The following NR3C2 variants were observed in gnomAD, a reference collection of about 807,000 sequenced individuals.
NR3C2 encodes the protein nuclear receptor subfamily 3 group C member 2.
A neutral mutation model predicts 86.4 loss-of-function variants in NR3C2; 15 were observed. That is an observed-to-expected ratio of 0.17 (90% CI 0.12 to 0.27). The LOEUF (loss-of-function observed/expected upper bound fraction) is 0.27. NR3C2 is among the 10% of genes least tolerant of loss of function. The pLI is 1.00. For synonymous variants in NR3C2, 458 were observed against 450.5 expected (o/e 1.02, Z -0.21); for missense variants, 960 against 1,195.6 (o/e 0.80, Z 2.91).
At chr4:148,274,710 T>C (rs1410216347) in intron 2 of NR3C2, among the ~76,000 whole-genome samples, 3 of 149,968 alleles carry the variant, frequency 2.0e-5, no homozygotes, top group Non-Finnish European at 4.4e-5. Flanking sequence ...TTTTTCTTTT[T>C]TTTTTTTTTT....
Position 148,114,286 on chromosome 4 carries a change from A to G in NR3C2, c.2642-25T>C, listed in dbSNP as rs563303926. On this transcript the variant is annotated intron_variant, in intron 7 of 8. Coordinates refer to ENST00000358102, the MANE Select transcript of NR3C2 (RefSeq NM_000901.5). Reference sequence around the variant, plus strand: ...ACTGTGTTAAGGAAAACAGACATGTAAATTTCCAGGATGGAAAACAACTTT... The same window carrying G: ...ACTGTGTTAAGGAAAACAGACATGTGAATTTCCAGGATGGAAAACAACTTT... 7.4e-6 allele frequency: 12 copies of G among 1,613,066 alleles called. No homozygotes were observed. The East Asian group carries it at 1.8e-4, about 24-fold the overall frequency.
chr4:148,303,136 A>AT (rs539369374), intron 2 of NR3C2, among the ~76,000 whole-genome samples: 8 of 151,886 alleles, frequency 5.3e-5, no homozygotes, highest in African/African-American at 9.6e-5. Flanking sequence ...TGCTATCATA[A>AT]TTTTTTTTTA....
chr4:148,277,929 A>G (rs1283421407), intron 2 of NR3C2, among the ~76,000 whole-genome samples: 1 of 152,252 alleles, frequency 6.6e-6, no homozygotes, highest in Non-Finnish European at 1.5e-5. Context: ...CCAAAATGTG[A>G]GTCACGAAAT....
At chr4:148,425,188 T>C (rs1749467494) in intron 2 of NR3C2, among the ~76,000 whole-genome samples, 1 of 152,202 alleles carries the variant, frequency 6.6e-6, no homozygotes, top group South Asian at 2.1e-4. Context: ...TGCTAGTCAA[T>C]CCATCCATTC....
Position 148,314,910 on chromosome 4 carries a change from T to C in NR3C2, c.1758-54793A>G, listed in dbSNP as rs369427335. 1.1e-3 allele frequency among the ~76,000 whole-genome samples: 170 copies of C among 152,324 alleles called. 5 individuals carry two copies. In the South Asian group the frequency reaches 0.034, roughly 30 times the overall value. ...TAAATATGTTTATAGTTTTATATCATGAACATGATGCAAAATCCTACCACC... is the reference window on the plus strand; with the variant it reads ...TAAATATGTTTATAGTTTTATATCACGAACATGATGCAAAATCCTACCACC... On this transcript the variant is annotated intron_variant, in intron 2 of 8. Transcript: ENST00000358102.
At chr4:148,267,299 T>TG (rs1436191691) in intron 2 of NR3C2, among the ~76,000 whole-genome samples, 3 of 151,934 alleles carry the variant, frequency 2.0e-5, no homozygotes, top group African/African-American at 7.3e-5. Flanking sequence ...TTTTTTTTTT[T>TG]TAAAGAGACA....
At chr4:148,083,271 C>T (rs1338264497) in intron 8 of NR3C2, among the ~76,000 whole-genome samples, 1 of 152,182 alleles carries the variant, frequency 6.6e-6, no homozygotes, top group Non-Finnish European at 1.5e-5. Flanking sequence ...ATCCCTGTGC[C>T]TCCTGACAAA....
At chr4:148,272,736 AAGTT>A (rs1740752532) in intron 2 of NR3C2, among the ~76,000 whole-genome samples, 1 of 152,186 alleles carries the variant, frequency 6.6e-6, no homozygotes, top group African/African-American at 2.4e-5. Context: ...TTTAAAATAA[AAGTT>A]AGGCTTTTGT....
chr4:148,309,698 T>C (rs768720678), intron 2 of NR3C2, among the ~76,000 whole-genome samples: 1 of 152,234 alleles, frequency 6.6e-6, no homozygotes, highest in Non-Finnish European at 1.5e-5. Flanking sequence ...AGTGTTTTTA[T>C]GAACAGAATT....
In NR3C2 at chr4:148,228,778, T is replaced by C. The variant is rs146738399; in HGVS notation, c.1897+31200A>G. ...TTGAGTATCTATTGTTTAAAGTGGC[T>C]GGATATGCAAAGCAGGAGACTACTG... is the stretch of plus-strand genomic sequence containing the variant. On this transcript the variant is annotated intron_variant, in intron 3 of 8. Transcript: ENST00000358102. 2.0e-4 allele frequency among the ~76,000 whole-genome samples: 30 copies of C among 152,296 alleles called. No homozygotes were observed. In the East Asian group the frequency reaches 3.9e-3, roughly 20 times the overall value.
intron 6 of NR3C2, among the ~76,000 whole-genome samples, chr4:148,145,736 C>T (rs1203562118): frequency 2.0e-5 from 3 of 152,206 alleles, no homozygotes; most frequent in Non-Finnish European, 4.4e-5. Flanking sequence ...GCTACTGGTG[C>T]GAGGCCTGGT....
intron 6 of NR3C2, among the ~76,000 whole-genome samples, chr4:148,125,706 A>G (rs998447510): frequency 6.6e-6 from 1 of 152,174 alleles, no homozygotes; most frequent in African/African-American, 2.4e-5. Context: ...TAACTTTTGT[A>G]AATGTCAAAA....
At chr4:148,213,603 T>C (rs72653879) in intron 3 of NR3C2, among the ~76,000 whole-genome samples, 14 of 151,804 alleles carry the variant, frequency 9.2e-5, no homozygotes, top group African/African-American at 3.4e-4. Flanking sequence ...AACCTTTAAG[T>C]CAATACAATC....
At chr4:148,238,597 T>C (rs942287374) in intron 3 of NR3C2, among the ~76,000 whole-genome samples, 2 of 152,146 alleles carry the variant, frequency 1.3e-5, no homozygotes, top group Non-Finnish European at 2.9e-5. Context: ...TAAAATATTA[T>C]AATCCCTAAG....
At chr4:148,094,679 C>CA (rs936158140) in intron 8 of NR3C2, among the ~76,000 whole-genome samples, 5 of 150,388 alleles carry the variant, frequency 3.3e-5, no homozygotes, top group African/African-American at 1.2e-4. Context: ...TGCGCCACTG[C>CA]ACTCCAGCCT....
In NR3C2 at chr4:148,228,407, GTTTA is replaced by G. The variant is rs1441634444; in HGVS notation, c.1897+31567_1897+31570del. On this transcript the variant is annotated intron_variant, in intron 3 of 8. Coordinates refer to ENST00000358102, the MANE Select transcript of NR3C2 (RefSeq NM_000901.5). ...TACTCCATTGTGTGGATGTACTATG[GTTTA>G]TTTAAGCATTATCCTAGGTTTGGGC... 1.1e-4 allele frequency among the ~76,000 whole-genome samples: 17 copies of G among 152,124 alleles called. No homozygotes were observed. In the East Asian group the frequency reaches 3.1e-3, roughly 28 times the overall value.
At chr4:148,097,830 C>T (rs529198319) in intron 8 of NR3C2, among the ~76,000 whole-genome samples, 1 of 146,302 alleles carries the variant, frequency 6.8e-6, no homozygotes, top group Non-Finnish European at 1.5e-5. Context: ...AATTCTTCTT[C>T]CAATGTGGCC....
At chr4:148,308,100 C>A (rs1742723788) in intron 2 of NR3C2, among the ~76,000 whole-genome samples, 1 of 152,080 alleles carries the variant, frequency 6.6e-6, no homozygotes, top group African/African-American at 2.4e-5. Flanking sequence ...TAAGAAACTT[C>A]ACATTGTTTG....
intron 2 of NR3C2, among the ~76,000 whole-genome samples, chr4:148,266,075 C>CTTTTT (rs71594256): frequency 1.5e-5 from 2 of 134,890 alleles, no homozygotes; most frequent in African/African-American, 2.7e-5. Flanking sequence ...CAGAAGGCCG[C>CTTTTT]TTTTTTTTTT....
Sources: allele counts gnomAD v4.1 joint callset (sites outside exome capture counted in the v4.1 genomes callset), GRCh38; gene constraint gnomAD v4.1.1; transcripts MANE v1.5; gene names NCBI Gene and HGNC (gene_info 2026-07-23, HGNC 2026-07-21).